Variants in ITFG1 observed in about 807,000 individuals in gnomAD.
ITFG1 encodes T-cell immunomodulatory protein.
In ITFG1, 34 loss-of-function variants were observed where a neutral mutation model predicts 81.8. The observed-to-expected ratio is 0.42, with a 90% CI of 0.32 to 0.55. ITFG1 has a LOEUF of 0.55. Ranked by LOEUF, ITFG1 falls within the 20% of genes least tolerant of loss-of-function variation. The pLI is 0.17. For missense variants in ITFG1, 672 were observed against 755.4 expected (o/e 0.89, Z 1.29); for synonymous variants, 285 against 270.6 (o/e 1.05, Z -0.52).
rs530828109 is a variant in ITFG1 at position 47,186,029 on chromosome 16, C to T, written c.1454-23365G>A. Among the ~76,000 whole-genome samples the T allele has an allele frequency of 2.6e-4, 39 of 152,180 alleles. 1 individual carries two copies. In the South Asian group the frequency reaches 3.3e-3, roughly 13 times the overall value. On this transcript the variant is annotated intron_variant, in intron 14 of 17. Coordinates refer to ENST00000320640, the MANE Select transcript of ITFG1 (RefSeq NM_030790.5). ...ATCTAGAAGAAATGGATAAATTCCT[C>T]GACACATACACCCTCCCAAGACTAA...
intron 6 of ITFG1, among the ~76,000 whole-genome samples, chr16:47,415,728 T>C (rs2151604653): frequency 6.6e-6 from 1 of 152,284 alleles, no homozygotes; most frequent in East Asian, 1.9e-4. Context: ...AGGTAATACC[T>C]AGTGCTGGCA....
At chr16:47,181,657 C>G in intron 14 of ITFG1, among the ~76,000 whole-genome samples, 1 of 151,968 alleles carries the variant, frequency 6.6e-6, no homozygotes, top group East Asian at 1.9e-4. Context: ...CCCCTCTGCC[C>G]GGCCACCACC....
chr16:47,360,609 G>T (rs1275426147), intron 8 of ITFG1, among the ~76,000 whole-genome samples: 2 of 152,000 alleles, frequency 1.3e-5, no homozygotes, highest in Non-Finnish European at 2.9e-5. Flanking sequence ...TTATTTGAAG[G>T]CATTTGATTT....
At chr16:47,456,519 T>C (rs1188417842) in intron 2 of ITFG1, among the ~76,000 whole-genome samples, 1 of 151,892 alleles carries the variant, frequency 6.6e-6, no homozygotes, top group Non-Finnish European at 1.5e-5. Context: ...GGTGAAACCC[T>C]GTCTCTACTA....
chr16:47,264,213 CACATATAAATATGTAAAT>C (rs1966246381), intron 10 of ITFG1, among the ~76,000 whole-genome samples: 1 of 151,864 alleles, frequency 6.6e-6, no homozygotes, highest in Non-Finnish European at 1.5e-5. Context: ...TTCTTCTAGG[CACATATAAATATGTAAAT>C]ACATATAACC....
intron 6 of ITFG1, among the ~76,000 whole-genome samples, chr16:47,401,175 G>C (rs905806450): frequency 6.6e-6 from 1 of 152,096 alleles, no homozygotes; most frequent in Non-Finnish European, 1.5e-5. Flanking sequence ...TTGGATGTGA[G>C]GTGTGAGAAA....
intron 10 of ITFG1, among the ~76,000 whole-genome samples, chr16:47,308,762 T>C (rs1054369417): frequency 6.6e-6 from 1 of 152,238 alleles, no homozygotes; most frequent in Admixed American, 6.5e-5. Context: ...CTTCTGAGTG[T>C]GCTTCTTTGC....
chr16:47,162,781 T>C, intron 14 of ITFG1, 117 bp from the exon 15 acceptor site: 1 of 890,498 alleles, frequency 1.1e-6, no homozygotes, highest in East Asian at 2.8e-5. Context: ...CGTTTCAAAA[T>C]GTGAAATGAA....
intron 13 of ITFG1, among the ~76,000 whole-genome samples, chr16:47,222,578 T>C (rs1965706916): frequency 6.6e-6 from 1 of 152,108 alleles, no homozygotes; most frequent in South Asian, 2.1e-4. Flanking sequence ...CAGGCCCGGC[T>C]AATTTTTTAT....
At chr16:47,205,888 CT>C (rs1340156691) in intron 14 of ITFG1, among the ~76,000 whole-genome samples, 1 of 145,784 alleles carries the variant, frequency 6.9e-6, no homozygotes, top group African/African-American at 2.5e-5. Context: ...ATCTATCTAT[CT>C]GAGTCTAACT....
intron 8 of ITFG1, among the ~76,000 whole-genome samples, chr16:47,319,606 A>G (rs946111632): frequency 7.2e-5 from 11 of 152,056 alleles, no homozygotes; most frequent in African/African-American, 2.7e-4. Context: ...GACTTACTAA[A>G]ATTATTGTTT....
Position 47,375,862 on chromosome 16 carries a change from A to G in ITFG1, c.720+14T>C, listed in dbSNP as rs1329170585. 1.3e-6 allele frequency: 2 copies of G among 1,524,864 alleles called. No individual in the cohort carries two copies. The highest frequency in any genetic ancestry group is 1.7e-5 in the Admixed American group (1 of 59,838). 94.5% of individuals were successfully genotyped at this position (1,524,864 alleles called of 1,614,324 possible). ...GCCATCATTTTAAAATGCTTCAAGGAAAAGATTTCTTACCAAATTTTCCCA... is the reference window on the plus strand; with the variant it reads ...GCCATCATTTTAAAATGCTTCAAGGGAAAGATTTCTTACCAAATTTTCCCA... On this transcript the variant is annotated intron_variant, in intron 7 of 17. Transcript: ENST00000320640.
At chr16:47,253,581 T>G (rs1966103968) in intron 12 of ITFG1, among the ~76,000 whole-genome samples, 2 of 152,132 alleles carry the variant, frequency 1.3e-5, no homozygotes, top group South Asian at 4.1e-4. Flanking sequence ...GAAGGGCAAT[T>G]TTTTCACAGA....
At chr16:47,327,588 C>G (rs1967569689) in intron 8 of ITFG1, among the ~76,000 whole-genome samples, 1 of 151,986 alleles carries the variant, frequency 6.6e-6, no homozygotes, top group Admixed American at 6.6e-5. Context: ...TGACAAAGGG[C>G]TAATATCCAG....
intron 10 of ITFG1, among the ~76,000 whole-genome samples, chr16:47,301,278 A>AATGT (rs1967071660): frequency 6.6e-6 from 1 of 152,218 alleles, no homozygotes. Flanking sequence ...AATGTAAATT[A>AATGT]ATGTATTATA....
intron 14 of ITFG1, among the ~76,000 whole-genome samples, chr16:47,184,295 T>C (rs1341681064): frequency 2.0e-5 from 3 of 152,006 alleles, no homozygotes; most frequent in African/African-American, 4.8e-5. Flanking sequence ...AAGATACTCC[T>C]CGAGAAGAGC....
At chr16:47,449,867 A>G (rs1448427196) in intron 5 of ITFG1, 1 of 152,220 alleles carries the variant, frequency 6.6e-6, no homozygotes, top group Non-Finnish European at 1.5e-5. Flanking sequence ...AAATCTGTAC[A>G]GGTAATAGAA....
chr16:47,317,091 A>G (rs888005926), intron 8 of ITFG1, among the ~76,000 whole-genome samples: 1 of 152,220 alleles, frequency 6.6e-6, no homozygotes, highest in Non-Finnish European at 1.5e-5. Flanking sequence ...AACCAGTGTA[A>G]AAATCAGCCT....
At chr16:47,329,759 A>G (rs1286688573) in intron 8 of ITFG1, among the ~76,000 whole-genome samples, 1 of 152,142 alleles carries the variant, frequency 6.6e-6, no homozygotes, top group African/African-American at 2.4e-5. Flanking sequence ...GAAGTATAAG[A>G]GGTTAAGTAC....
Sources: allele counts gnomAD v4.1 joint callset (sites outside exome capture counted in the v4.1 genomes callset), GRCh38; gene constraint gnomAD v4.1.1; transcripts MANE v1.5; gene names NCBI Gene and HGNC (gene_info 2026-07-23, HGNC 2026-07-21).